RIPOR2: variants seen among roughly 807,000 people sequenced by gnomAD.
RIPOR2 encodes RHO family interacting cell polarization regulator 2.
In RIPOR2, 39 loss-of-function variants were observed where a neutral mutation model predicts 114.5. The observed-to-expected ratio is 0.34, with a 90% CI of 0.26 to 0.44. RIPOR2 has a LOEUF of 0.44. RIPOR2 is among the 20% of genes least tolerant of loss of function. The pLI is 1.00. For missense variants in RIPOR2, 1,007 were observed against 1,255.1 expected (o/e 0.80, Z 2.99); for synonymous variants, 445 against 484.4 (o/e 0.92, Z 1.07).
intron 1 of RIPOR2, among the ~76,000 whole-genome samples, chr6:25,019,451 A>C (rs1248998689): frequency 1.3e-5 from 2 of 152,328 alleles, no homozygotes; most frequent in East Asian, 3.9e-4. Flanking sequence ...AATTGTATAA[A>C]GATATTAATT....
At chr6:24,868,816 C>T (rs1045812503) in intron 6 of RIPOR2, among the ~76,000 whole-genome samples, 2 of 152,180 alleles carry the variant, frequency 1.3e-5, no homozygotes, top group East Asian at 3.8e-4. Flanking sequence ...TATCTCTAAG[C>T]ACTCTACACT....
intron 1 of RIPOR2, among the ~76,000 whole-genome samples, chr6:25,025,016 T>C (rs921290688): frequency 3.9e-5 from 6 of 152,180 alleles, no homozygotes; most frequent in African/African-American, 1.2e-4. Flanking sequence ...TGTCGATGGG[T>C]GAGTAATCAG....
chr6:24,828,338 C>CCACT, intron 17 of RIPOR2, 43 bp from the exon 18 acceptor site: 1 of 1,201,902 alleles, frequency 8.3e-7, no homozygotes, highest in Non-Finnish European at 1.1e-6. Context: ...AGATAGATGA[C>CCACT]CATTCATTCA....
intron 7 of RIPOR2, among the ~76,000 whole-genome samples, chr6:24,863,277 C>T (rs1277603012): frequency 6.6e-6 from 1 of 152,052 alleles, no homozygotes; most frequent in Non-Finnish European, 1.5e-5. Context: ...CCACCTGATA[C>T]CAAATGAGGT....
chr6:24,839,620 A>G (rs770407388), intron 13 of RIPOR2: 21 of 1,538,524 alleles, frequency 1.4e-5, no homozygotes, highest in Non-Finnish European at 1.7e-5. Context: ...TTTTTATAAC[A>G]AAAAGTTGAA....
chr6:25,023,113 A>T, intron 1 of RIPOR2: 1 of 474,438 alleles, frequency 2.1e-6, no homozygotes, highest in Non-Finnish European at 4.1e-6. Context: ...CAGGGAACAA[A>T]GCTGGGGCCT....
intron 6 of RIPOR2, among the ~76,000 whole-genome samples, chr6:24,867,447 A>G (rs1029493980): frequency 6.6e-6 from 1 of 152,268 alleles, no homozygotes; most frequent in Non-Finnish European, 1.5e-5. Flanking sequence ...AGATCCCCAC[A>G]AAACTTTTAG....
intron 1 of RIPOR2, among the ~76,000 whole-genome samples, chr6:24,999,723 T>C (rs1775214334): frequency 4.0e-5 from 6 of 151,822 alleles, no homozygotes. Context: ...GCCTGGCTAA[T>C]TTTTTTGTAT....
At chr6:24,914,301 G>A (rs1355770721) in intron 1 of RIPOR2, among the ~76,000 whole-genome samples, 8 of 151,992 alleles carry the variant, frequency 5.3e-5, no homozygotes, top group South Asian at 2.1e-4. Context: ...ACGTCACTGC[G>A]CCTCCAGCCT....
intron 1 of RIPOR2, among the ~76,000 whole-genome samples, chr6:24,952,525 A>G (rs6907762): frequency 6.6e-6 from 1 of 152,304 alleles, no homozygotes; most frequent in East Asian, 1.9e-4. Flanking sequence ...TTGGGAAGAG[A>G]TGCACAGTAG....
chr6:24,850,115 GAGACA>G (rs1762726094), intron 10 of RIPOR2, among the ~76,000 whole-genome samples, 165 bp from the exon 11 acceptor site: 1 of 114,332 alleles, frequency 8.7e-6, no homozygotes, highest in Non-Finnish European at 1.8e-5. Context: ...TTTTTTTTTG[GAGACA>G]GGGTCTCTCT....
intron 8 of RIPOR2, among the ~76,000 whole-genome samples, chr6:24,854,981 C>T: frequency 7.7e-6 from 1 of 129,548 alleles, no homozygotes; most frequent in Non-Finnish European, 1.6e-5. Context: ...GAGCCGAGAT[C>T]ATGCCACTGC....
chr6:24,879,116 G>A lies in RIPOR2; in HGVS notation c.62-3299C>T, dbSNP rs1266157022. 2.1e-5 allele frequency among the ~76,000 whole-genome samples: 2 copies of A among 95,302 alleles called. 1 individual carries two copies. Among genetic ancestry groups the A allele is most frequent in the African/African-American group, 1.1e-4 (2 of 18,444 alleles). The allele number at this position is 95,302 out of a possible 152,430, so 62.5% of individuals were successfully genotyped here. On this transcript the variant is annotated intron_variant, in intron 1 of 21. Coordinates refer to ENST00000643898, the MANE Select transcript of RIPOR2 (RefSeq NM_001286445.3). ...GCACTTTGGGAGGCCGAGGCAGGTG[G>A]ATCACCTGAGATCAGGAGTTTGAGA...
Position 24,826,912 on chromosome 6 carries a change from T to A in RIPOR2, c.2665+1225A>T, listed in dbSNP as rs533613006. Among the ~76,000 whole-genome samples, 28 of 151,600 alleles carry A rather than the reference T, an allele frequency of 1.8e-4. No homozygotes were observed. The South Asian group carries it at 4.6e-3, about 25-fold the overall frequency. ...ACTTCTCTGTTTACATTTTTTTTTT[T>A]AATAATGAAGGCTTTTCCCTTTTAT... On this transcript the variant is annotated intron_variant, in intron 18 of 21. Coordinates refer to ENST00000643898, the MANE Select transcript of RIPOR2 (RefSeq NM_001286445.3).
At chr6:24,879,601 G>T (rs1387912431) in intron 1 of RIPOR2, among the ~76,000 whole-genome samples, 1 of 152,186 alleles carries the variant, frequency 6.6e-6, no homozygotes, top group Non-Finnish European at 1.5e-5. Flanking sequence ...TCTGGCTCTG[G>T]AAGAAATAAA....
intron 1 of RIPOR2, among the ~76,000 whole-genome samples, chr6:25,005,231 G>A (rs1311401106): frequency 2.0e-5 from 3 of 152,126 alleles, no homozygotes; most frequent in Admixed American, 6.6e-5. Flanking sequence ...GTTGAAGGAG[G>A]CCCTGGGGTT....
intron 10 of RIPOR2, 113 bp downstream of exon 10, chr6:24,850,484 A>C (rs1480395596): frequency 5.4e-6 from 6 of 1,115,136 alleles, no homozygotes; most frequent in Middle Eastern, 2.1e-4. Context: ...AGACTTGTGC[A>C]GAAAAGTCTG....
intron 1 of RIPOR2, among the ~76,000 whole-genome samples, chr6:24,945,300 T>C (rs574278614): frequency 5.9e-5 from 9 of 152,260 alleles, no homozygotes; most frequent in African/African-American, 2.2e-4. Flanking sequence ...TAAATATATT[T>C]CCAGATATAC....
intron 1 of RIPOR2, among the ~76,000 whole-genome samples, chr6:24,917,951 T>C (rs573509121): frequency 1.3e-5 from 2 of 152,342 alleles, no homozygotes; most frequent in African/African-American, 4.8e-5. Flanking sequence ...CAAGGTGATT[T>C]ATTTATTCTG....
Sources: gnomAD v4.1 joint callset for allele counts (sites outside exome capture counted in the v4.1 genomes callset) on GRCh38, gnomAD v4.1.1 for gene constraint, MANE v1.5 for transcripts, NCBI Gene and HGNC (gene_info 2026-07-23, HGNC 2026-07-21) for gene names.